The following LRP1B variants were observed in gnomAD, a reference collection of about 807,000 sequenced individuals.
LRP1B encodes low-density lipoprotein receptor-related protein 1B.
A neutral mutation model predicts 556.6 loss-of-function variants in LRP1B; 217 were observed. That is an observed-to-expected ratio of 0.39 (90% confidence interval 0.35 to 0.44). The LOEUF is 0.44. Ranked by LOEUF, LRP1B falls within the 20% of genes least tolerant of loss-of-function variation. The pLI is 1.00. For synonymous variants in LRP1B, 2,047 were observed against 1,865.8 expected (o/e 1.10, Z -2.50); for missense variants, 5,053 against 5,620.8 (o/e 0.90, Z 3.23).
At chr2:140,721,323 T>C (rs923305033) in intron 35 of LRP1B, among the ~76,000 whole-genome samples, 5 of 152,140 alleles carry the variant, frequency 3.3e-5, no homozygotes, top group Admixed American at 3.3e-4. Context: ...TCGTGGCTTT[T>C]ATGTCACATT....
At chr2:141,862,115 ACT>A (rs1465116161) in intron 1 of LRP1B, among the ~76,000 whole-genome samples, 2 of 152,150 alleles carry the variant, frequency 1.3e-5, no homozygotes, top group East Asian at 3.9e-4. Context: ...TTTTATAATG[ACT>A]CTAATTTAAT....
chr2:141,544,882 T>C (rs577686203), intron 2 of LRP1B, among the ~76,000 whole-genome samples: 2 of 152,118 alleles, frequency 1.3e-5, no homozygotes, highest in African/African-American at 4.8e-5. Flanking sequence ...TCTAGGCTGG[T>C]CTCAAACTCC....
At chr2:141,476,559 A>G (rs1483899629) in intron 3 of LRP1B, among the ~76,000 whole-genome samples, 1 of 152,182 alleles carries the variant, frequency 6.6e-6, no homozygotes, top group Non-Finnish European at 1.5e-5. Context: ...AAGTACCCCC[A>G]TATACAAAAA....
At chr2:141,814,367 G>A (rs1048926113) in intron 1 of LRP1B, among the ~76,000 whole-genome samples, 6 of 152,024 alleles carry the variant, frequency 3.9e-5, no homozygotes, top group African/African-American at 1.4e-4. Flanking sequence ...CTGACTGAGT[G>A]GTTTCTTCCT....
intron 1 of LRP1B, among the ~76,000 whole-genome samples, chr2:141,843,153 A>G (rs1180335305): frequency 6.6e-6 from 1 of 152,080 alleles, no homozygotes; most frequent in Non-Finnish European, 1.5e-5. Flanking sequence ...TTGTTTCTCT[A>G]ATGAATATTT....
In LRP1B at chr2:141,659,510, CA is replaced by C. The variant is rs550854698; in HGVS notation, c.205+150768del. 9.7e-4 allele frequency among the ~76,000 whole-genome samples: 148 copies of C among 152,146 alleles called. 2 individuals are homozygous for C. The highest frequency in any genetic ancestry group is 1.4e-3 in the South Asian group (7 of 4,832). On this transcript the variant is annotated intron_variant, in intron 2 of 90. Transcript: ENST00000389484. ...TAGTCAGTGAAGAAAAGGAAACAAT[CA>C]ACAATGACTTATGCTGCATATGACC... is the stretch of plus-strand genomic sequence containing the variant.
At chr2:141,628,957 T>C (rs951866457) in intron 2 of LRP1B, among the ~76,000 whole-genome samples, 1 of 152,198 alleles carries the variant, frequency 6.6e-6, no homozygotes, top group Non-Finnish European at 1.5e-5. Flanking sequence ...GCTGAACAAG[T>C]GTTGTATGAG....
At chr2:141,403,212 T>C (rs1248394607) in intron 3 of LRP1B, among the ~76,000 whole-genome samples, 1 of 152,148 alleles carries the variant, frequency 6.6e-6, no homozygotes. Flanking sequence ...ACTAAACTAA[T>C]GTGAGCCTAA....
intron 2 of LRP1B, among the ~76,000 whole-genome samples, chr2:141,715,548 C>T (rs1213710114): frequency 6.6e-6 from 1 of 152,138 alleles, no homozygotes; most frequent in African/African-American, 2.4e-5. Flanking sequence ...GTTGTGGTGG[C>T]TCACACCTGT....
At chr2:140,984,887 G>A (rs12105905) in intron 17 of LRP1B, among the ~76,000 whole-genome samples, 65,893 of 151,898 alleles carry the variant, frequency 0.43, 15,362 homozygotes, top group East Asian at 0.61. Flanking sequence ...CCCAAGGACT[G>A]TTTATCTATA....
At chr2:142,085,729 G>A (rs1209765800) in intron 1 of LRP1B, among the ~76,000 whole-genome samples, 1 of 152,166 alleles carries the variant, frequency 6.6e-6, no homozygotes, top group Non-Finnish European at 1.5e-5. Flanking sequence ...GCAATGCCCA[G>A]TTTAACTGAA....
At chr2:140,917,868 A>G (rs1008581192) in intron 21 of LRP1B, among the ~76,000 whole-genome samples, 6 of 152,146 alleles carry the variant, frequency 3.9e-5, no homozygotes, top group Admixed American at 2.6e-4. Flanking sequence ...ATGTGTCACT[A>G]TAGGTGCATT....
At chr2:141,477,695 T>C (rs1051346074) in intron 3 of LRP1B, among the ~76,000 whole-genome samples, 2 of 152,188 alleles carry the variant, frequency 1.3e-5, no homozygotes, top group Non-Finnish European at 2.9e-5. Flanking sequence ...TTTTAAATCA[T>C]TGATTCTAGG....
chr2:140,672,098 A>C (rs1054697977), intron 41 of LRP1B, among the ~76,000 whole-genome samples: 3 of 152,328 alleles, frequency 2.0e-5, no homozygotes, highest in Non-Finnish European at 4.4e-5. Context: ...GTAAAACTAG[A>C]AAATAAGTTA....
At position 140,232,578 on chromosome 2, in the gene LRP1B, G is replaced by T. The variant is rs1680518436; in HGVS notation, c.*608C>A. 6.6e-6 allele frequency: 1 copy of T among 151,652 alleles called. No individual in the cohort carries two copies. The allele number at this position is 151,652 out of a possible 1,614,324, so 9.4% of individuals were successfully genotyped here. A position where few individuals can be genotyped will look rare whatever the true frequency, so the allele number is the denominator to read the frequency against. ...GGAAAATGTAGTCATCTGTGTTCAT[G>T]CAAATTATTAATTTTACATATTTTT... On this transcript the variant is annotated 3_prime_UTR_variant, in exon 91 of 91. Transcript: ENST00000389484.
chr2:141,785,427 C>T lies in LRP1B; in HGVS notation c.205+24852G>A, dbSNP rs145626256. 1.1e-3 allele frequency among the ~76,000 whole-genome samples: 161 copies of T among 152,026 alleles called. 3 individuals are homozygous for T. The highest frequency in any genetic ancestry group is 3.6e-3 in the African/African-American group (150 of 41,510). The stretch of plus-strand genomic sequence containing the variant: ...ATAGCAAGAAGCCGAACTTAACATA[C>T]AGTTGTATGATCACTGCATTGGCTC... On this transcript the variant is annotated intron_variant, in intron 2 of 90. Transcript: ENST00000389484.
At chr2:142,061,893 T>G (rs747407141) in intron 1 of LRP1B, among the ~76,000 whole-genome samples, 3 of 151,884 alleles carry the variant, frequency 2.0e-5, no homozygotes, top group Non-Finnish European at 4.4e-5. Context: ...TCTTTGAAAA[T>G]TATGAAATTC....
At chr2:142,116,251 G>T (rs1707272376) in intron 1 of LRP1B, among the ~76,000 whole-genome samples, 1 of 138,722 alleles carries the variant, frequency 7.2e-6, no homozygotes, top group Admixed American at 7.3e-5. Flanking sequence ...AATTGATCAA[G>T]ATTAACATAA....
At chr2:141,720,967 T>C (rs10496891) in intron 2 of LRP1B, among the ~76,000 whole-genome samples, 92,009 of 151,908 alleles carry the variant, frequency 0.61, 28,346 homozygotes, top group East Asian at 0.92. Flanking sequence ...CAAGAGGATG[T>C]TCTTTTTGAC....
Sources: gnomAD v4.1 joint callset for allele counts (sites outside exome capture counted in the v4.1 genomes callset) on GRCh38, gnomAD v4.1.1 for gene constraint, MANE v1.5 for transcripts, NCBI Gene and HGNC (gene_info 2026-07-23, HGNC 2026-07-21) for gene names.